QSOX2: variants seen among roughly 807,000 people sequenced by gnomAD.
QSOX2 encodes sulfhydryl oxidase 2.
A neutral mutation model predicts 61.7 loss-of-function variants in QSOX2; 46 were observed. The observed-to-expected ratio is 0.75, with a 90% CI of 0.59 to 0.95. The LOEUF is 0.95. Ranked by LOEUF, QSOX2 falls within the 40% of genes least tolerant of loss-of-function variation. The probability of loss-of-function intolerance (pLI) is 0.00; values close to 1 mark genes in which losing one functional copy is unlikely to be tolerated. For missense variants in QSOX2, 879 were observed against 918.9 expected (o/e 0.96, Z 0.56); for synonymous variants, 383 against 388.4 (o/e 0.99, Z 0.16).
At chr9:136,244,407 G>GC (rs1464384539) in intron 1 of QSOX2, among the ~76,000 whole-genome samples, 2 of 152,134 alleles carry the variant, frequency 1.3e-5, no homozygotes, top group African/African-American at 4.8e-5. Context: ...ACATACAAAA[G>GC]CCCTACTTAG....
chr9:136,245,335 G>A (rs552964699), intron 1 of QSOX2, 141 bp downstream of exon 1: 1 of 707,754 alleles, frequency 1.4e-6, no homozygotes, highest in South Asian at 1.9e-5. Context: ...GGGTGCCTCT[G>A]TGGGGCAGGG....
chr9:136,237,648 TACCTGGAGCCCGTCCTGGGCCTGCATC>T lies in QSOX2; in HGVS notation c.328+7801_328+7827del, dbSNP rs933804177. On this transcript the variant is annotated intron_variant, in intron 1 of 11. Coordinates refer to ENST00000358701, the MANE Select transcript of QSOX2 (RefSeq NM_181701.4). ...GTCACCTGGAGCCCGTCCTGTGCCATACCTGGAGCCCGTCCTGGGCCTGCATCACCTGGTGCCCGTCCTGTGCCACAC... is the reference window on the plus strand; with the variant it reads ...GTCACCTGGAGCCCGTCCTGTGCCATACCTGGTGCCCGTCCTGTGCCACAC... Among the ~76,000 whole-genome samples, 15 of 57,530 alleles carry T rather than the reference TACCTGGAGCCCGTCCTGGGCCTGCATC, an allele frequency of 2.6e-4. 1 individual carries two copies. The highest frequency in any genetic ancestry group is 1.5e-3 in the Admixed American group (7 of 4,552). The allele number at this position is 57,530 out of a possible 152,430, so 37.7% of individuals were successfully genotyped here.
rs149364639 is a variant in QSOX2, at chr9:136,213,746, G to A, written c.1360+1408C>T. Among the ~76,000 whole-genome samples, 44 of 152,290 alleles carry A rather than the reference G, an allele frequency of 2.9e-4. No individual in the cohort carries two copies. The East Asian group carries it at 6.9e-3, about 24-fold the overall frequency. ...CAGGATGCGGCAGAAGTAATAATAT[G>A]TGACTCCACACTGAGGTGGACTCTC... On this transcript the variant is annotated intron_variant, in intron 10 of 11. Coordinates refer to ENST00000358701, the MANE Select transcript of QSOX2 (RefSeq NM_181701.4).
In QSOX2 at chr9:136,215,441, C is replaced by T. The variant is rs146427542; in HGVS notation, c.1210-137G>A. Reference sequence around the variant, plus strand: ...TTACTGAAGCTGTATCAACTGTACACATAAGATCTGTGCCTCCTACCATAT... The same window carrying T: ...TTACTGAAGCTGTATCAACTGTACATATAAGATCTGTGCCTCCTACCATAT... On this transcript the variant is annotated intron_variant, in intron 9 of 11. Transcript: ENST00000358701. 5.6e-3 allele frequency: 4,598 copies of T among 819,356 alleles called. 44 individuals carry two copies. Among genetic ancestry groups the T allele is most frequent in the Non-Finnish European group, 7.1e-3 (3,817 of 535,744 alleles). 50.8% of individuals were successfully genotyped at this position (819,356 alleles called of 1,614,324 possible). A position where few individuals can be genotyped will look rare whatever the true frequency, so the allele number is the denominator to read the frequency against.
At chr9:136,218,185 G>T (rs564665361) in intron 8 of QSOX2, among the ~76,000 whole-genome samples, 104 of 152,284 alleles carry the variant, frequency 6.8e-4, no homozygotes, top group African/African-American at 2.4e-3. Flanking sequence ...GACCCCCTCA[G>T]TGGTCTCAGA....
At chr9:136,224,737 G>A in intron 3 of QSOX2, 124 bp downstream of exon 3, 1 of 534,282 alleles carries the variant, frequency 1.9e-6, no homozygotes, top group South Asian at 3.5e-5. Context: ...AAAGCAGGCA[G>A]GAAGGTCAGC....
chr9:136,245,388 G>A, intron 1 of QSOX2, 88 bp downstream of exon 1: 2 of 1,154,640 alleles, frequency 1.7e-6, no homozygotes, highest in East Asian at 2.8e-5. Flanking sequence ...GAGGGGCCCC[G>A]GGACCCGCCT....
At chr9:136,226,424 C>T (rs78371706) in intron 2 of QSOX2, among the ~76,000 whole-genome samples, 3,555 of 152,292 alleles carry the variant, frequency 0.023, 120 homozygotes, top group African/African-American at 0.075. Context: ...ACGGACCACA[C>T]GCGTGGCTTC....
At chr9:136,243,847 C>T (rs183425860) in intron 1 of QSOX2, among the ~76,000 whole-genome samples, 1 of 152,338 alleles carries the variant, frequency 6.6e-6, no homozygotes, top group South Asian at 2.1e-4. Context: ...TTCTTCCTGT[C>T]GTGACTGGGA....
chr9:136,218,912 G>A, intron 7 of QSOX2, 104 bp from the exon 8 acceptor site: 1 of 1,563,584 alleles, frequency 6.4e-7, no homozygotes, highest in African/African-American at 1.4e-5. Context: ...CCCTGGGAGG[G>A]CTCCTGAGCG....
intron 11 of QSOX2, chr9:136,210,473 G>C (rs773730182): frequency 7.0e-4 from 691 of 985,456 alleles, no homozygotes; most frequent in Middle Eastern, 1.0e-3. Flanking sequence ...CGAGGGCTCG[G>C]GGAAAGCACA....
intron 8 of QSOX2, among the ~76,000 whole-genome samples, chr9:136,218,392 T>C (rs1026384759): frequency 2.0e-5 from 3 of 152,158 alleles, no homozygotes; most frequent in Admixed American, 1.3e-4. Context: ...CCCTCCTCCA[T>C]CTACTCTCCA....
intron 1 of QSOX2, 141 bp from the exon 2 acceptor site, chr9:136,227,015 TCA>T: frequency 1.5e-6 from 1 of 678,304 alleles, no homozygotes. Context: ...TAGGCCCTCA[TCA>T]CACAGAGCGT....
intron 8 of QSOX2, 67 bp downstream of exon 8, chr9:136,218,612 C>T (rs1554756400): frequency 4.5e-6 from 7 of 1,541,248 alleles, no homozygotes; most frequent in Middle Eastern, 2.1e-4. Context: ...GTGTCCGACG[C>T]CCCCCAGGGC....
rs1259623176 is a variant in QSOX2, at chr9:136,226,880, A to C, written c.329-6T>G. On this transcript the variant is annotated splice_polypyrimidine_tract_variant and splice_region_variant and intron_variant, in intron 1 of 11. Coordinates refer to ENST00000358701, the MANE Select transcript of QSOX2 (RefSeq NM_181701.4). ...GCGAATGGCACTGGCCCAGTCTGAA[A>C]AGCAGGAGCATGACCTTCAGTGTGG... is the stretch of plus-strand genomic sequence containing the variant. 2.5e-6 allele frequency: 4 copies of C among 1,613,286 alleles called. No individual in the cohort carries two copies. The Admixed American group carries it at 6.7e-5, about 27-fold the overall frequency.
rs1831767494 is a variant in QSOX2 at position 136,206,641 on chromosome 9, G to C, written c.*2087C>G. The C allele has an allele frequency of 6.6e-6, 1 of 152,170 alleles. No individual in the cohort carries two copies. The highest frequency in any genetic ancestry group is 1.5e-5 in the Non-Finnish European group (1 of 68,004). The allele number at this position is 152,170 out of a possible 1,614,324, so 9.4% of individuals were successfully genotyped here. ...TCTGAGTATGGCCATATGACTCCTG[G>C]GGCCACCTCCACGACGGCCCAGCCC... On this transcript the variant is annotated 3_prime_UTR_variant, in exon 12 of 12. Transcript: ENST00000358701.
chr9:136,226,792 G>A lies in QSOX2; in HGVS notation c.411C>T (p.His137=), dbSNP rs1564294280. Residue 137 remains histidine (H), a synonymous_variant, in exon 2 of 12, where the codon CAC becomes CAT. Coordinates refer to ENST00000358701, the MANE Select transcript of QSOX2 (RefSeq NM_181701.4). ...TACTCACCCGGAAGGTGGGGTAGAAGTGGATGTCGTAGTCATGGCACACGG... is the reference window on the plus strand; with the variant it reads ...TACTCACCCGGAAGGTGGGGTAGAAATGGATGTCGTAGTCATGGCACACGG... ...NQAVCHDYDI[H]FYPTFRYFKA... The A allele has an allele frequency of 6.2e-7, 1 of 1,614,102 alleles. No homozygotes were observed. The highest frequency in any genetic ancestry group is 2.2e-5 in the East Asian group (1 of 44,882).
chr9:136,215,100 GTTAAC>G, intron 10 of QSOX2, 49 bp downstream of exon 10: 1 of 1,587,632 alleles, frequency 6.3e-7, no homozygotes, highest in South Asian at 1.1e-5. Flanking sequence ...CACCGGCTGG[GTTAAC>G]TTGTTAGGCA....
At chr9:136,213,919 C>T (rs1174923031) in intron 10 of QSOX2, among the ~76,000 whole-genome samples, 4 of 152,116 alleles carry the variant, frequency 2.6e-5, no homozygotes, top group Non-Finnish European at 4.4e-5. Context: ...ACAGAAGAAC[C>T]GCCCAGCCGA....
Sources: allele counts gnomAD v4.1 joint callset (sites outside exome capture counted in the v4.1 genomes callset), GRCh38; gene constraint gnomAD v4.1.1; transcripts MANE v1.5; gene names NCBI Gene and HGNC (gene_info 2026-07-23, HGNC 2026-07-21).